The following BPIFA2 variants were observed in gnomAD, a reference collection of about 807,000 sequenced individuals.
BPIFA2 encodes BPI fold-containing family A member 2.
In BPIFA2, 20 loss-of-function variants were observed where a neutral mutation model predicts 25.7. The ratio of observed to expected loss-of-function variants is 0.78; its 90% CI spans 0.55 to 1.13. BPIFA2 has a LOEUF of 1.13. BPIFA2 is among the 50% of genes most tolerant of loss of function. The pLI is 0.00. For synonymous variants in BPIFA2, 126 were observed against 124.3 expected (o/e 1.01, Z -0.09); for missense variants, 300 against 298.1 (o/e 1.01, Z -0.05).
At chr20:33,166,693 C>A (rs1329742483), upstream of BPIFA2, among the ~76,000 whole-genome samples, 1 of 152,190 alleles carries the variant, frequency 6.6e-6, no homozygotes, top group East Asian at 1.9e-4. Context: ...CAAAGCCCCT[C>A]ACCATCGTTT....
intron 2 of BPIFA2, 70 bp from the exon 3 acceptor site, chr20:33,172,862 C>A: frequency 1.3e-6 from 2 of 1,523,708 alleles, no homozygotes; most frequent in Admixed American, 1.9e-5. Context: ...AACAGTCTTA[C>A]CCGGTACCTG....
chr20:33,167,679 G>A (rs1983764230), upstream of BPIFA2, among the ~76,000 whole-genome samples: 1 of 1,674 alleles, frequency 6.0e-4, no homozygotes, highest in Non-Finnish European at 1.1e-3. Flanking sequence ...CCTGGGGGCA[G>A]GACCCCTGGG....
intron 3 of BPIFA2, 117 bp downstream of exon 3, chr20:33,173,193 C>G (rs971625449): frequency 1.5e-6 from 2 of 1,303,602 alleles, no homozygotes; most frequent in African/African-American, 3.0e-5. Context: ...TCCCACAGAG[C>G]CAAGGTGGTC....
chr20:33,163,763 G>A (rs983225267), upstream of BPIFA2, among the ~76,000 whole-genome samples: 5 of 151,616 alleles, frequency 3.3e-5, no homozygotes, highest in Admixed American at 1.3e-4. Flanking sequence ...TGGAGGTTGC[G>A]GTGAGCCGAG....
At chr20:33,179,000 A>G (rs1984179796) in intron 6 of BPIFA2, among the ~76,000 whole-genome samples, 1 of 152,228 alleles carries the variant, frequency 6.6e-6, no homozygotes. Context: ...CCAGGGTTCC[A>G]AAGTTCAACA....
intron 3 of BPIFA2, among the ~76,000 whole-genome samples, chr20:33,173,289 C>G (rs944619760): frequency 6.6e-6 from 1 of 152,094 alleles, no homozygotes; most frequent in African/African-American, 2.4e-5. Context: ...TTCGGGCTTC[C>G]GCTTTCTTTA....
chr20:33,179,513 T>C (rs1239536072), intron 6 of BPIFA2, 91 bp from the exon 7 acceptor site: 1 of 1,019,212 alleles, frequency 9.8e-7, no homozygotes, highest in African/African-American at 1.6e-5. Context: ...AGCTCATCTG[T>C]GGGTGGCAAG....
intron 2 of BPIFA2, 115 bp from the exon 3 acceptor site, chr20:33,172,817 A>G: frequency 2.6e-6 from 3 of 1,155,634 alleles, no homozygotes; most frequent in Non-Finnish European, 3.6e-6. Context: ...TACTTCACTG[A>G]GTTGTTATAA....
chr20:33,169,259 T>C lies in BPIFA2; in HGVS notation c.114T>C (p.Pro38=), dbSNP rs983639362. The change falls in exon 2 of 9, where the codon CCT becomes CCC. Residue 38 remains proline (P), a synonymous_variant. Transcript: ENST00000354932. ...GCAATGTCGTGGATAAGCTGGAACC[T>C]GTTCTTCACGAGGGACTTGAGACAG... ...DLSNVVDKLE[P]VLHEGLETVD... 6.2e-7 allele frequency: 1 copy of C among 1,614,074 alleles called. No homozygotes were observed. Among genetic ancestry groups the C allele is most frequent in the African/African-American group, 1.3e-5 (1 of 74,934 alleles).
At chr20:33,174,260 G>A (rs904455378) in intron 4 of BPIFA2, 74 bp downstream of exon 4, 27 of 1,327,978 alleles carry the variant, frequency 2.0e-5, no homozygotes, top group South Asian at 8.3e-5. Flanking sequence ...CCTGGGAATC[G>A]GGCACCTCCT....
At chr20:33,163,468 G>A (rs1401895118), upstream of BPIFA2, among the ~76,000 whole-genome samples, 4 of 152,102 alleles carry the variant, frequency 2.6e-5, no homozygotes, top group East Asian at 3.9e-4. Context: ...GGGTGCTAGC[G>A]CAATGGAGAT....
At chr20:33,166,296 T>G (rs1246018869), upstream of BPIFA2, among the ~76,000 whole-genome samples, 1 of 152,082 alleles carries the variant, frequency 6.6e-6, no homozygotes, top group African/African-American at 2.4e-5. Context: ...GGATTACAGG[T>G]GTGAACCACC....
upstream of BPIFA2, among the ~76,000 whole-genome samples, chr20:33,165,383 G>A (rs1217953026): frequency 1.3e-5 from 2 of 152,198 alleles, no homozygotes; most frequent in Non-Finnish European, 2.9e-5. Context: ...TGGGTGCAAT[G>A]GGAGTGCACA....
intron 6 of BPIFA2, among the ~76,000 whole-genome samples, chr20:33,178,647 C>G (rs73268251): frequency 0.014 from 2,155 of 152,162 alleles, 44 homozygotes; most frequent in African/African-American, 0.049. Context: ...ATCTGTGCAT[C>G]ATCCAAAACC....
intron 5 of BPIFA2, among the ~76,000 whole-genome samples, chr20:33,175,933 C>T (rs535640923): frequency 4.6e-5 from 7 of 152,250 alleles, no homozygotes; most frequent in Admixed American, 2.6e-4. Context: ...TTGTTCATTT[C>T]GCCTTTCAAC....
chr20:33,166,342 T>G (rs1417955041), upstream of BPIFA2, among the ~76,000 whole-genome samples: 1 of 152,174 alleles, frequency 6.6e-6, no homozygotes, highest in Non-Finnish European at 1.5e-5. Flanking sequence ...TATAATGGGT[T>G]GTGTCCCAGT....
intron 5 of BPIFA2, 21 bp downstream of exon 5, chr20:33,175,580 T>C (rs1307818826): frequency 6.2e-7 from 1 of 1,612,164 alleles, no homozygotes. Flanking sequence ...TTCATCTTAG[T>C]AGAGCTGGGC....
At chr20:33,167,239 G>A (rs1983752397), upstream of BPIFA2, among the ~76,000 whole-genome samples, 2 of 152,234 alleles carry the variant, frequency 1.3e-5, no homozygotes, top group South Asian at 4.1e-4. Flanking sequence ...GTGACCCTGA[G>A]CTCTGTGCCA....
At position 33,173,644 on chromosome 20, in the gene BPIFA2, A is replaced by C. The variant is rs991339657; in HGVS notation, c.303-435A>C. Among the ~76,000 whole-genome samples the C allele has an allele frequency of 1.4e-4, 21 of 152,284 alleles. 1 individual carries two copies. Among genetic ancestry groups the C allele is most frequent in the African/African-American group, 4.8e-4 (20 of 41,560 alleles). On this transcript the variant is annotated intron_variant, in intron 3 of 8. Transcript: ENST00000354932. ...CTCAGCCTCCTGAGTAGCTGGGATT[A>C]GAGGCATGCACCACCACGCCCGGCT...
Sources: gnomAD v4.1 joint callset for allele counts (sites outside exome capture counted in the v4.1 genomes callset) on GRCh38, gnomAD v4.1.1 for gene constraint, MANE v1.5 for transcripts, NCBI Gene and HGNC (gene_info 2026-07-23, HGNC 2026-07-21) for gene names.